The following LAMC1 variants were observed in gnomAD, a reference collection of about 807,000 sequenced individuals.
The protein encoded by LAMC1 is laminin subunit gamma 1, also known as laminin subunit gamma-1.
LAMC1 carries 38 observed loss-of-function variants against 173.6 expected under a neutral mutation model. That is an observed-to-expected ratio of 0.22 (90% CI 0.17 to 0.29). LAMC1 has a LOEUF of 0.29. Ranked by LOEUF, LAMC1 falls within the 10% of genes least tolerant of loss-of-function variation. The pLI is 1.00. For missense variants in LAMC1, 1,824 were observed against 2,051.8 expected, an observed-to-expected ratio of 0.89 and a Z score of 2.14; for synonymous variants, 746 against 749.1, an observed-to-expected ratio of 1.00 and a Z score of 0.07.
intron 1 of LAMC1, among the ~76,000 whole-genome samples, chr1:183,067,609 C>T (rs1346312953): frequency 2.0e-5 from 3 of 152,054 alleles, no homozygotes; most frequent in Non-Finnish European, 2.9e-5. Context: ...CTGCCTCAGC[C>T]TCCTGAGTAG....
At chr1:183,026,074 A>G (rs1653678482) in intron 1 of LAMC1, among the ~76,000 whole-genome samples, 1 of 152,308 alleles carries the variant, frequency 6.6e-6, no homozygotes, top group Non-Finnish European at 1.5e-5. Flanking sequence ...CTTAGAGTTT[A>G]CCTCTAACAT....
intron 1 of LAMC1, among the ~76,000 whole-genome samples, chr1:183,042,579 C>G (rs1654164468): frequency 6.6e-6 from 1 of 152,150 alleles, no homozygotes; most frequent in Admixed American, 6.5e-5. Flanking sequence ...AAGTTCTGGT[C>G]TTTCTGGAGA....
At chr1:183,096,303 C>G (rs1481014412) in intron 1 of LAMC1, among the ~76,000 whole-genome samples, 1 of 152,160 alleles carries the variant, frequency 6.6e-6, no homozygotes, top group East Asian at 1.9e-4. Context: ...CTGTCTATTT[C>G]AGAACTTTTG....
chr1:183,056,655 G>A (rs1424348922), intron 1 of LAMC1, among the ~76,000 whole-genome samples: 2 of 152,182 alleles, frequency 1.3e-5, no homozygotes, highest in East Asian at 1.9e-4. Flanking sequence ...TCATTTAGTC[G>A]ACCACGCTCA....
rs1011682683 is a variant in LAMC1, at chr1:183,135,275, A to G, written c.4114+119A>G. On this transcript the variant is annotated intron_variant, in intron 24 of 27. Coordinates refer to ENST00000258341, the MANE Select transcript of LAMC1 (RefSeq NM_002293.4). ...CCCAACTCCCTACTTTTTTTATGCT[A>G]AAGTATTTCAAAGGGAAATCCCAGA... 2.2e-5 allele frequency: 14 copies of G among 647,852 alleles called. No individual in the cohort carries two copies. The African/African-American group carries it at 2.6e-4, about 12-fold the overall frequency. The allele number at this position is 647,852 out of a possible 1,614,324, so 40.1% of individuals were successfully genotyped here.
rs71573297 is a variant in LAMC1, at chr1:183,105,054, C to CAA, written c.723+1436_723+1437dup. 1.1e-3 allele frequency among the ~76,000 whole-genome samples: 137 copies of CAA among 125,492 alleles called. 1 individual carries two copies. The Middle Eastern group carries it at 0.012, about 11-fold the overall frequency. 82.3% of individuals were successfully genotyped at this position (125,492 alleles called of 152,430 possible). A position where few individuals can be genotyped will look rare whatever the true frequency, so the allele number is the denominator to read the frequency against. ...TGAAACCCTGTCTCTACTAAAAATA[C>CAA]AAAAAAAAAAAAAAAGTTAGTTAAG... On this transcript the variant is annotated intron_variant, in intron 2 of 27. Coordinates refer to ENST00000258341, the MANE Select transcript of LAMC1 (RefSeq NM_002293.4).
chr1:183,060,594 A>G (rs1307175169), intron 1 of LAMC1, among the ~76,000 whole-genome samples: 3 of 152,154 alleles, frequency 2.0e-5, no homozygotes, highest in Non-Finnish European at 4.4e-5. Context: ...AGTGCTTACT[A>G]CACTGTGTCC....
At chr1:183,138,217 G>T in intron 26 of LAMC1, 1 of 975,624 alleles carries the variant, frequency 1.0e-6, no homozygotes, top group Non-Finnish European at 1.2e-6. Flanking sequence ...CAAGTTTCTT[G>T]TATATAAGAA....
Position 183,142,771 on chromosome 1 carries a change from C to T in LAMC1, c.4811C>T (p.Pro1604Leu), listed in dbSNP as rs774896111. The change falls in exon 28 of 28, where the codon CCG (proline) becomes CTG (leucine). Residue 1604 changes from proline to leucine, a missense_variant. Transcript: ENST00000258341. ...KTLPSGCFNTPSIEKP is the reference protein window; with the variant it reads ...KTLPSGCFNTLSIEKP ...TTACCATCTGGCTGCTTCAACACCC[C>T]GTCCATTGAAAAGCCCTAGTGTCTT... is the stretch of plus-strand genomic sequence containing the variant. 2.5e-6 allele frequency: 4 copies of T among 1,612,334 alleles called. No individual in the cohort carries two copies. In the South Asian group the frequency reaches 3.3e-5, roughly 13 times the overall value.
At chr1:183,134,834 C>G (rs1248878674) in intron 23 of LAMC1, 25 bp downstream of exon 23, 4 of 1,606,844 alleles carry the variant, frequency 2.5e-6, no homozygotes, top group Non-Finnish European at 3.4e-6. Flanking sequence ...CAGGTCGCTT[C>G]ATTTCTTGAG....
At chr1:183,028,066 C>T (rs1319683815) in intron 1 of LAMC1, among the ~76,000 whole-genome samples, 1 of 152,014 alleles carries the variant, frequency 6.6e-6, no homozygotes. Context: ...CAGTTCACTG[C>T]TTTTTCTCCA....
At chr1:183,046,361 C>G (rs965692803) in intron 1 of LAMC1, among the ~76,000 whole-genome samples, 1 of 152,010 alleles carries the variant, frequency 6.6e-6, no homozygotes, top group Non-Finnish European at 1.5e-5. Context: ...TGTCAAGTTC[C>G]TCAGTAAGCT....
chr1:183,062,816 TG>T (rs2102033308), intron 1 of LAMC1, among the ~76,000 whole-genome samples: 1 of 152,126 alleles, frequency 6.6e-6, no homozygotes, highest in African/African-American at 2.4e-5. Context: ...TAGCTGTGCT[TG>T]GTGGTGCATG....
chr1:183,065,243 A>G (rs755700231), intron 1 of LAMC1, among the ~76,000 whole-genome samples: 1 of 152,202 alleles, frequency 6.6e-6, no homozygotes, highest in Non-Finnish European at 1.5e-5. Context: ...TGACTGAAAC[A>G]TTGTTATGCA....
rs747749323 is a variant in LAMC1 at position 183,023,857 on chromosome 1, G to A, written c.141G>A (p.Pro47=). Residue 47 remains proline (P), a synonymous_variant, in exon 1 of 28, where the codon CCG becomes CCA. Transcript: ENST00000258341. ...AGTGCACGGACGAGGGCGGGCGGCCGCAGCGCTGCATGCCCGAGTTCGTCA... is the reference window on the plus strand; with the variant it reads ...AGTGCACGGACGAGGGCGGGCGGCCACAGCGCTGCATGCCCGAGTTCGTCA... ...MDECTDEGGR[P]QRCMPEFVNA... 15 of 1,609,718 alleles carry A rather than the reference G, an allele frequency of 9.3e-6. No individual in the cohort carries two copies. The East Asian group carries it at 2.0e-4, about 22-fold the overall frequency.
intron 1 of LAMC1, 46 bp downstream of exon 1, chr1:183,024,180 C>G (rs1490378765): frequency 6.7e-7 from 1 of 1,490,984 alleles, no homozygotes; most frequent in African/African-American, 1.4e-5. Flanking sequence ...GCCAGCAGCC[C>G]AGCTCCCGGA....
chr1:183,111,975 G>A (rs1357869164), intron 4 of LAMC1, among the ~76,000 whole-genome samples: 1 of 152,172 alleles, frequency 6.6e-6, no homozygotes, highest in African/African-American at 2.4e-5. Flanking sequence ...GGAGGCGGAG[G>A]TTGCAGTGAG....
chr1:183,035,835 C>T (rs1653965750), intron 1 of LAMC1, among the ~76,000 whole-genome samples: 1 of 152,176 alleles, frequency 6.6e-6, no homozygotes, highest in Non-Finnish European at 1.5e-5. Context: ...AGACTAAATG[C>T]AGCTGGAGGT....
rs531367823 is a variant in LAMC1 at position 183,023,594 on chromosome 1, G to A, written c.-123G>A. On this transcript the variant is annotated 5_prime_UTR_variant, in exon 1 of 28. Transcript: ENST00000258341. ...GGCGCGAGCCGCCGCCACCGCCCGC[G>A]CCGGAGTCAGGCCCCTGGGCCCCCA... 6.2e-3 allele frequency: 4,395 copies of A among 705,116 alleles called. 24 individuals are homozygous for A. The highest frequency in any genetic ancestry group is 7.5e-3 in the Non-Finnish European group (4,078 of 542,410). The allele number at this position is 705,116 out of a possible 1,614,324, so 43.7% of individuals were successfully genotyped here.
Sources: gnomAD v4.1 joint callset for allele counts (sites outside exome capture counted in the v4.1 genomes callset) on GRCh38, gnomAD v4.1.1 for gene constraint, MANE v1.5 for transcripts, NCBI Gene and HGNC (gene_info 2026-07-23, HGNC 2026-07-21) for gene names.